Variants in MYRIP observed in about 807,000 individuals in gnomAD.
MYRIP encodes the protein rab effector MyRIP.
In MYRIP, 49 loss-of-function variants were observed where a neutral mutation model predicts 98.0. The observed-to-expected ratio is 0.50, with a 90% CI of 0.40 to 0.63. The LOEUF is 0.63. MYRIP is among the 30% of genes least tolerant of loss of function. MYRIP has a pLI of 0.00. For synonymous variants in MYRIP, 404 were observed against 409.5 expected, an observed-to-expected ratio of 0.99 and a Z score of 0.16; for missense variants, 1,004 against 1,058.2, an observed-to-expected ratio of 0.95 and a Z score of 0.71.
intron 2 of MYRIP, among the ~76,000 whole-genome samples, chr3:39,975,551 T>C (rs201947764): frequency 1.9e-4 from 28 of 150,850 alleles, no homozygotes; most frequent in African/African-American, 6.9e-4. Context: ...AAAACTACTT[T>C]AAAGTTCATA....
At chr3:40,037,646 T>C (rs1004461218) in intron 2 of MYRIP, among the ~76,000 whole-genome samples, 2 of 152,122 alleles carry the variant, frequency 1.3e-5, no homozygotes, top group Non-Finnish European at 2.9e-5. Context: ...TTGTCACAGG[T>C]ATGGGACAAT....
At chr3:40,168,269 G>A (rs895284352) in intron 7 of MYRIP, among the ~76,000 whole-genome samples, 9 of 152,134 alleles carry the variant, frequency 5.9e-5, no homozygotes, top group African/African-American at 1.7e-4. Flanking sequence ...CAGTGGATGG[G>A]GTTAAGTCCA....
At chr3:40,013,813 A>G (rs1027420472) in intron 2 of MYRIP, among the ~76,000 whole-genome samples, 22 of 152,240 alleles carry the variant, frequency 1.4e-4, no homozygotes, top group Admixed American at 1.4e-3. Context: ...GAGGTTGCAC[A>G]TTGTCATTTT....
chr3:39,821,509 G>T (rs567046130), intron 1 of MYRIP, among the ~76,000 whole-genome samples: 11 of 150,512 alleles, frequency 7.3e-5, no homozygotes, highest in South Asian at 2.1e-4. Flanking sequence ...ATTTCTTTGG[G>T]TTTTTTTTCT....
At chr3:40,049,739 T>C (rs1947749678) in intron 3 of MYRIP, among the ~76,000 whole-genome samples, 1 of 152,156 alleles carries the variant, frequency 6.6e-6, no homozygotes, top group African/African-American at 2.4e-5. Flanking sequence ...GCTAAGTTTC[T>C]TGAGCCAGAC....
chr3:39,810,947 C>G (rs976618917), intron 1 of MYRIP, among the ~76,000 whole-genome samples: 1 of 152,190 alleles, frequency 6.6e-6, no homozygotes, highest in East Asian at 1.9e-4. Context: ...TCCATCTCCC[C>G]GACCATGATC....
intron 2 of MYRIP, among the ~76,000 whole-genome samples, chr3:39,990,494 C>CTCATAGAATTA (rs1202716814): frequency 6.6e-6 from 1 of 152,154 alleles, no homozygotes; most frequent in Non-Finnish European, 1.5e-5. Context: ...TAGCTCACTG[C>CTCATAGAATTA]TCATAGAATT....
At chr3:40,218,612 T>TTATATATATATATATATATATA (rs751894190) in intron 11 of MYRIP, among the ~76,000 whole-genome samples, 2 of 13,568 alleles carry the variant, frequency 1.5e-4, no homozygotes, top group Non-Finnish European at 5.7e-4. Flanking sequence ...TATATATATT[T>TTATATATATATATATATATATA]TATATATATA....
intron 11 of MYRIP, among the ~76,000 whole-genome samples, chr3:40,212,688 C>T (rs924605186): frequency 1.3e-5 from 2 of 151,972 alleles, no homozygotes; most frequent in African/African-American, 2.4e-5. Flanking sequence ...CTTGGGCCCA[C>T]GAGGTTGAGG....
At chr3:39,984,345 T>G (rs944887015) in intron 2 of MYRIP, among the ~76,000 whole-genome samples, 2 of 152,124 alleles carry the variant, frequency 1.3e-5, no homozygotes, top group African/African-American at 2.4e-5. Context: ...CATCTAGCAT[T>G]AGGTATATCT....
At position 39,873,023 on chromosome 3, in the gene MYRIP, T is replaced by C. The variant is rs376574037; in HGVS notation, c.-30-27764T>C. Among the ~76,000 whole-genome samples the C allele has an allele frequency of 1.0e-2, 1,521 of 152,294 alleles. 12 individuals carry two copies. The highest frequency in any genetic ancestry group is 0.016 in the Non-Finnish European group (1,087 of 68,012). ...TGTTGTTTCCTGACTTTTTAATGATTGCCATCCTAACTGGTGTGAGATGAT... is the reference window on the plus strand; with the variant it reads ...TGTTGTTTCCTGACTTTTTAATGATCGCCATCCTAACTGGTGTGAGATGAT... On this transcript the variant is annotated intron_variant, in intron 1 of 16. Coordinates refer to ENST00000302541, the MANE Select transcript of MYRIP (RefSeq NM_015460.4).
chr3:39,931,955 G>A (rs1313991147), intron 2 of MYRIP, among the ~76,000 whole-genome samples: 1 of 152,060 alleles, frequency 6.6e-6, no homozygotes, highest in Non-Finnish European at 1.5e-5. Context: ...AAGGAATATT[G>A]GTCTGTACTT....
intron 2 of MYRIP, among the ~76,000 whole-genome samples, chr3:39,958,440 A>C (rs946945285): frequency 3.3e-5 from 5 of 152,194 alleles, no homozygotes; most frequent in Admixed American, 2.6e-4. Context: ...AGGATTCCCT[A>C]TTTAATAAAT....
chr3:40,195,050 C>T (rs1441027270), intron 10 of MYRIP, among the ~76,000 whole-genome samples: 2 of 152,086 alleles, frequency 1.3e-5, no homozygotes, highest in African/African-American at 4.8e-5. Flanking sequence ...TTTTTTATTG[C>T]ATTGGTGACT....
intron 2 of MYRIP, among the ~76,000 whole-genome samples, chr3:40,028,412 C>T (rs1427928287): frequency 2.6e-5 from 4 of 152,192 alleles, no homozygotes; most frequent in African/African-American, 9.7e-5. Flanking sequence ...CATTATTGCC[C>T]AGACGCTATT....
At chr3:40,028,144 T>C (rs1047571621) in intron 2 of MYRIP, among the ~76,000 whole-genome samples, 3 of 152,112 alleles carry the variant, frequency 2.0e-5, no homozygotes, top group African/African-American at 7.2e-5. Flanking sequence ...GTGTGTGTCC[T>C]CTCAACACGG....
chr3:39,890,169 C>T (rs1490206521), intron 1 of MYRIP, among the ~76,000 whole-genome samples: 4 of 151,898 alleles, frequency 2.6e-5, no homozygotes, highest in African/African-American at 9.7e-5. Context: ...CTTTTAAACT[C>T]GTTTTTTTTC....
At chr3:39,853,421 A>AT (rs1003413437) in intron 1 of MYRIP, among the ~76,000 whole-genome samples, 40 of 151,968 alleles carry the variant, frequency 2.6e-4, no homozygotes, top group Non-Finnish European at 4.4e-4. Context: ...AGCATCTATT[A>AT]TTTTTTTTAT....
At chr3:39,874,980 T>A (rs997340395) in intron 1 of MYRIP, among the ~76,000 whole-genome samples, 1 of 152,170 alleles carries the variant, frequency 6.6e-6, no homozygotes, top group African/African-American at 2.4e-5. Flanking sequence ...CTGGACTCTT[T>A]TTGGTTGGTA....
Sources: gnomAD v4.1 joint callset for allele counts (sites outside exome capture counted in the v4.1 genomes callset) on GRCh38, gnomAD v4.1.1 for gene constraint, MANE v1.5 for transcripts, NCBI Gene and HGNC (gene_info 2026-07-23, HGNC 2026-07-21) for gene names.